The following SGPP2 variants were observed in gnomAD, a reference collection of about 807,000 sequenced individuals.
SGPP2 encodes the protein sphingosine 1-phosphate phosphohydrolase 2.
In SGPP2, 30 loss-of-function variants were observed where a neutral mutation model predicts 33.9. The ratio of observed to expected loss-of-function variants is 0.89; its 90% confidence interval spans 0.66 to 1.20. The LOEUF (loss-of-function observed/expected upper bound fraction) is 1.20, where lower values mean the gene tolerates loss of function less well. SGPP2 is among the 50% of genes most tolerant of loss of function. The probability of loss-of-function intolerance (pLI) is 0.00; values close to 1 mark genes in which losing one functional copy is unlikely to be tolerated. For synonymous variants in SGPP2, 233 were observed against 225.0 expected (o/e 1.04, Z -0.32); for missense variants, 458 against 532.1 (o/e 0.86, Z 1.37).
upstream of SGPP2, among the ~76,000 whole-genome samples, chr2:222,424,147 T>A (rs994660804): frequency 1.3e-5 from 2 of 151,538 alleles, no homozygotes; most frequent in African/African-American, 4.9e-5. Context: ...GGGCTCAGAG[T>A]TGCAAGGAAG....
intron 1 of SGPP2, among the ~76,000 whole-genome samples, chr2:222,470,402 T>C (rs1487808402): frequency 1.3e-5 from 2 of 152,240 alleles, no homozygotes; most frequent in Non-Finnish European, 2.9e-5. Flanking sequence ...AGAGAAGTTA[T>C]CTAAGAAATC....
At chr2:222,445,699 G>A (rs1697388513) in intron 1 of SGPP2, among the ~76,000 whole-genome samples, 1 of 152,234 alleles carries the variant, frequency 6.6e-6, no homozygotes, top group Non-Finnish European at 1.5e-5. Flanking sequence ...ATGGGAGGAT[G>A]TGTGGAAAAG....
At chr2:222,522,055 A>G (rs1183265699) in intron 3 of SGPP2, 109 bp downstream of exon 3, 6 of 1,016,116 alleles carry the variant, frequency 5.9e-6, no homozygotes, top group Non-Finnish European at 8.3e-6. Flanking sequence ...GGTTTATGAA[A>G]TAAAGATTAA....
At position 222,559,068 on chromosome 2, in the gene SGPP2, C is replaced by G; in HGVS notation, c.*170C>G. On this transcript the variant is annotated 3_prime_UTR_variant, in exon 5 of 5. Transcript: ENST00000321276. ...TGCTGTGTGAAAGGAAGAACTGTCT[C>G]ATAGCGGTCATTGGTCGTCCGTGGT... 1 of 642,684 alleles carries G rather than the reference C, an allele frequency of 1.6e-6. No individual in the cohort carries two copies. Among genetic ancestry groups the G allele is most frequent in the South Asian group, 2.1e-5 (1 of 48,296 alleles). The allele number at this position is 642,684 out of a possible 1,614,324, so 39.8% of individuals were successfully genotyped here.
At chr2:222,508,825 G>A (rs1434839642) in intron 2 of SGPP2, among the ~76,000 whole-genome samples, 1 of 152,040 alleles carries the variant, frequency 6.6e-6, no homozygotes, top group African/African-American at 2.4e-5. Context: ...ATGATTTATG[G>A]TGCTTGCTTT....
chr2:222,495,912 A>G (rs1311085541), intron 2 of SGPP2, among the ~76,000 whole-genome samples: 3 of 152,150 alleles, frequency 2.0e-5, no homozygotes, highest in Non-Finnish European at 4.4e-5. Flanking sequence ...CAGGGTACAC[A>G]TGGTTTTAGT....
At position 222,424,788 on chromosome 2, in the gene SGPP2, G is replaced by T. The variant is rs1469420271; in HGVS notation, c.186G>T (p.Pro62=). ...PAANGKGGEA[P]ANGLRRAAAP... ...CCAACGGCAAGGGCGGCGAGGCTCC[G>T]GCCAACGGGCTGCGCAGAGCCGCGG... Residue 62 remains proline (P), a synonymous_variant, in exon 1 of 5, where the codon CCG becomes CCT. Coordinates refer to ENST00000321276, the MANE Select transcript of SGPP2 (RefSeq NM_152386.4). 1.4e-6 allele frequency: 2 copies of T among 1,396,374 alleles called. No individual in the cohort carries two copies. The highest frequency in any genetic ancestry group is 1.9e-6 in the Non-Finnish European group (2 of 1,076,846). The allele number at this position is 1,396,374 out of a possible 1,614,324, so 86.5% of individuals were successfully genotyped here.
intron 4 of SGPP2, among the ~76,000 whole-genome samples, chr2:222,525,988 A>T (rs1421535087): frequency 6.6e-6 from 1 of 152,172 alleles, no homozygotes; most frequent in African/African-American, 2.4e-5. Context: ...AGTAACTCAG[A>T]GAAGGGGGTT....
intron 4 of SGPP2, among the ~76,000 whole-genome samples, chr2:222,556,576 T>A (rs1412076397): frequency 1.9e-4 from 10 of 51,378 alleles, no homozygotes; most frequent in Non-Finnish European, 3.7e-4. Context: ...CCACCCTCAC[T>A]CCTTGCCCAT....
intron 4 of SGPP2, among the ~76,000 whole-genome samples, chr2:222,547,611 A>G (rs1296059398): frequency 6.6e-6 from 1 of 152,176 alleles, no homozygotes; most frequent in Non-Finnish European, 1.5e-5. Context: ...AAATTATACT[A>G]TACTATTATA....
Position 222,474,636 on chromosome 2 carries a change from G to A in SGPP2, c.288G>A (p.Leu96=). 4 of 1,613,856 alleles carry A rather than the reference G, an allele frequency of 2.5e-6. No individual in the cohort carries two copies. Among genetic ancestry groups the A allele is most frequent in the Non-Finnish European group, 3.4e-6 (4 of 1,179,900 alleles). ...YYYLFQFSAA[L]GQEVFYITFL... Reference sequence around the variant, plus strand: ...ACCTATTCCAATTTTCAGCTGCTTTGGGCCAAGAAGTGTTCTACATCACGT... The same window carrying A: ...ACCTATTCCAATTTTCAGCTGCTTTAGGCCAAGAAGTGTTCTACATCACGT... The change falls in exon 2 of 5, where the codon TTG becomes TTA. Residue 96 remains leucine, a synonymous_variant. Transcript: ENST00000321276.
intron 1 of SGPP2, among the ~76,000 whole-genome samples, chr2:222,471,358 G>A (rs1697837959): frequency 6.6e-6 from 1 of 152,092 alleles, no homozygotes. Flanking sequence ...TAAAAGAGAG[G>A]AATGCATACT....
intron 4 of SGPP2, among the ~76,000 whole-genome samples, chr2:222,552,051 T>G (rs1689302267): frequency 6.6e-6 from 1 of 152,246 alleles, no homozygotes; most frequent in African/African-American, 2.4e-5. Context: ...TTAATTTCTT[T>G]TTATGGCTGA....
chr2:222,557,493 T>C (rs980638385), intron 4 of SGPP2, among the ~76,000 whole-genome samples: 3 of 152,196 alleles, frequency 2.0e-5, no homozygotes, highest in Non-Finnish European at 4.4e-5. Flanking sequence ...AGACCAAGTC[T>C]TAGAATTCTA....
chr2:222,490,201 A>G (rs970596977), intron 2 of SGPP2, among the ~76,000 whole-genome samples: 6 of 152,182 alleles, frequency 3.9e-5, no homozygotes, highest in African/African-American at 1.4e-4. Flanking sequence ...CCTTTTTAGT[A>G]TGTCACCTTT....
At position 222,467,950 on chromosome 2, in the gene SGPP2, G is replaced by GAAAAAAAAAAAA. The variant is rs61253653; in HGVS notation, c.220-6591_220-6580dup. On this transcript the variant is annotated intron_variant, in intron 1 of 4. Transcript: ENST00000321276. Reference sequence around the variant, plus strand: ...AAATGTATATTTAAAGCTCTAATCTGAAAAAAAAAAAAAAAAAAAAAAAAA... The same window carrying GAAAAAAAAAAAA: ...AAATGTATATTTAAAGCTCTAATCTGAAAAAAAAAAAAAAAAAAAAAAAAAAAAAAAAAAAAA... 6.4e-4 allele frequency among the ~76,000 whole-genome samples: 16 copies of GAAAAAAAAAAAA among 24,874 alleles called. 1 individual carries two copies. Among genetic ancestry groups the GAAAAAAAAAAAA allele is most frequent in the Admixed American group, 1.7e-3 (2 of 1,200 alleles). The allele number at this position is 24,874 out of a possible 152,430, so 16.3% of individuals were successfully genotyped here. A position where few individuals can be genotyped will look rare whatever the true frequency, so the allele number is the denominator to read the frequency against.
intron 2 of SGPP2, among the ~76,000 whole-genome samples, chr2:222,520,839 A>G (rs6436323): frequency 0.85 from 129,344 of 151,884 alleles, 56,154 homozygotes; most frequent in East Asian, 1. Context: ...TGCTCACTGC[A>G]GCCTTGACTT....
In SGPP2 at chr2:222,477,230, T is replaced by C. The variant is rs1336214395; in HGVS notation, c.378+2504T>C. 6.6e-6 allele frequency among the ~76,000 whole-genome samples: 1 copy of C among 151,734 alleles called. No individual in the cohort carries two copies. The highest frequency in any genetic ancestry group is 2.4e-5 in the African/African-American group (1 of 41,244). ...ATAGGTGCATATATATGTTTATGTA[T>C]ATAGGTGTGTATATACATGTATGTG... On this transcript the variant is annotated intron_variant, in intron 2 of 4. Transcript: ENST00000321276. This position sits in a 1 kb window ranked among gnomAD's most constrained non-coding sequence, Gnocchi z 6.0.
intron 2 of SGPP2, among the ~76,000 whole-genome samples, chr2:222,511,271 G>C (rs1397104892): frequency 6.6e-6 from 1 of 152,262 alleles, no homozygotes; most frequent in East Asian, 1.9e-4. Context: ...TTGTCTGCCT[G>C]GGGTGAATGG....
Sources: gnomAD v4.1 joint callset for allele counts (sites outside exome capture counted in the v4.1 genomes callset) on GRCh38, gnomAD v4.1.1 for gene constraint, Gnocchi (gnomAD v3.1) non-coding constraint, MANE v1.5 for transcripts, NCBI Gene and HGNC (gene_info 2026-07-23, HGNC 2026-07-21) for gene names.